Variants in CREBL2 observed in about 807,000 individuals in gnomAD.
CREBL2 encodes cAMP-responsive element-binding protein-like 2.
Under a neutral mutation model 19.5 loss-of-function variants are expected in CREBL2, and 4 were observed. That is an observed-to-expected ratio of 0.20 (90% CI 0.10 to 0.47). The LOEUF is 0.47. CREBL2 is among the 20% of genes least tolerant of loss of function. The probability of loss-of-function intolerance (pLI) is 0.98; values close to 1 mark genes in which losing one functional copy is unlikely to be tolerated. For synonymous variants in CREBL2, 42 were observed against 46.6 expected (o/e 0.90, Z 0.40); for missense variants, 85 against 145.1 (o/e 0.59, Z 2.13).
At position 12,641,250 on chromosome 12, in the gene CREBL2, ATTATTTTTTT is replaced by A. The variant is rs774983001; in HGVS notation, c.359-731_359-722del. ...CTTTATTATTATTATTATTATTATTATTATTTTTTTTTATTTTTTTTTTTTTTAGGTCAAC... is the reference window on the plus strand; with the variant it reads ...CTTTATTATTATTATTATTATTATTATTATTTTTTTTTTTTTTAGGTCAAC... On this transcript the variant is annotated intron_variant, in intron 3 of 3. Transcript: ENST00000228865. 2.4e-4 allele frequency among the ~76,000 whole-genome samples: 14 copies of A among 57,996 alleles called. 1 individual carries two copies. Among genetic ancestry groups the A allele is most frequent in the South Asian group, 1.2e-3 (2 of 1,708 alleles). 38.0% of individuals were successfully genotyped at this position (57,996 alleles called of 152,430 possible). A position where few individuals can be genotyped will look rare whatever the true frequency, so the allele number is the denominator to read the frequency against.
At chr12:12,623,548 A>G (rs1945377809) in intron 1 of CREBL2, among the ~76,000 whole-genome samples, 4 of 152,252 alleles carry the variant, frequency 2.6e-5, no homozygotes, top group Admixed American at 2.6e-4. Flanking sequence ...ATGTAGGTAT[A>G]GTTAGAAATG....
In CREBL2 at chr12:12,612,144, T is replaced by G. The variant is rs985273219; in HGVS notation, c.-29T>G. The G allele has an allele frequency of 2.5e-6, 4 of 1,610,160 alleles. No individual in the cohort carries two copies. The highest frequency in any genetic ancestry group is 3.4e-6 in the Non-Finnish European group (4 of 1,179,816). On this transcript the variant is annotated 5_prime_UTR_variant, in exon 1 of 4. Transcript: ENST00000228865. ...GCCGGGGGAGGGCTCCGGGAGGGAG[T>G]GCCTGGCCAGGCCGGCCTGTCTGCC...
intron 1 of CREBL2, among the ~76,000 whole-genome samples, chr12:12,627,199 TGTTA>T (rs984340952): frequency 6.6e-6 from 1 of 152,162 alleles, no homozygotes; most frequent in Non-Finnish European, 1.5e-5. Flanking sequence ...AATAAATCAA[TGTTA>T]GTTCATCAAT....
chr12:12,616,184 T>C (rs1301848316), intron 1 of CREBL2, among the ~76,000 whole-genome samples: 3 of 152,214 alleles, frequency 2.0e-5, no homozygotes, highest in Non-Finnish European at 4.4e-5. Context: ...TTAACAACTT[T>C]CTGAAAGTCT....
chr12:12,626,948 C>T (rs1159677620), intron 1 of CREBL2, among the ~76,000 whole-genome samples: 2 of 150,644 alleles, frequency 1.3e-5, no homozygotes, highest in African/African-American at 2.4e-5. Context: ...CATGGAGGAG[C>T]CTTAAATGCA....
intron 1 of CREBL2, among the ~76,000 whole-genome samples, chr12:12,621,837 T>C (rs914785981): frequency 6.6e-5 from 10 of 152,142 alleles, no homozygotes; most frequent in African/African-American, 2.4e-4. Flanking sequence ...AGGCCATAAA[T>C]GTTGGGGAGC....
At chr12:12,635,698 C>G in intron 1 of CREBL2, 79 bp from the exon 2 acceptor site, 9 of 1,482,102 alleles carry the variant, frequency 6.1e-6, no homozygotes, top group Non-Finnish European at 7.2e-6. Flanking sequence ...TAAATGTTCT[C>G]TTTGCTAATA....
At position 12,644,594 on chromosome 12, in the gene CREBL2, T is replaced by C. The variant is rs1249669009; in HGVS notation, c.*2596T>C. The C allele has an allele frequency of 6.5e-6, 1 of 152,686 alleles. No individual in the cohort carries two copies. Among genetic ancestry groups the C allele is most frequent in the African/African-American group, 2.4e-5 (1 of 41,468 alleles). 9.5% of individuals were successfully genotyped at this position (152,686 alleles called of 1,614,324 possible). A position where few individuals can be genotyped will look rare whatever the true frequency, so the allele number is the denominator to read the frequency against. ...TAGAGCAACTGAATATAATATGGAA[T>C]AAGTTTGACCAGGTCAAGTTTTAGG... is the stretch of plus-strand genomic sequence containing the variant. On this transcript the variant is annotated 3_prime_UTR_variant, in exon 4 of 4. Transcript: ENST00000228865.
chr12:12,624,701 A>G (rs1325481743), intron 1 of CREBL2, among the ~76,000 whole-genome samples: 1 of 152,210 alleles, frequency 6.6e-6, no homozygotes, highest in Non-Finnish European at 1.5e-5. Flanking sequence ...CCATCCGTGG[A>G]TAGCTCAACT....
At chr12:12,621,523 CAAA>C (rs61201510) in intron 1 of CREBL2, among the ~76,000 whole-genome samples, 3 of 64,864 alleles carry the variant, frequency 4.6e-5, no homozygotes, top group African/African-American at 5.8e-5. Context: ...CGTCTCAAAC[CAAA>C]AAAAAAAAAA....
intron 1 of CREBL2, among the ~76,000 whole-genome samples, chr12:12,628,969 A>G (rs917488645): frequency 9.2e-5 from 14 of 152,184 alleles, no homozygotes; most frequent in Non-Finnish European, 1.6e-4. Flanking sequence ...ATGCTTTTCC[A>G]TTGGTCTGTA....
chr12:12,641,253 A>T (rs12230002), intron 3 of CREBL2, among the ~76,000 whole-genome samples: 25,366 of 77,244 alleles, frequency 0.33, 6,376 homozygotes, highest in Non-Finnish European at 0.38. Flanking sequence ...TATTATTATT[A>T]TTTTTTTTTA....
chr12:12,611,959 G>C lies in CREBL2; in HGVS notation c.-214G>C. 6.8e-6 allele frequency: 4 copies of C among 590,884 alleles called. No individual in the cohort carries two copies. The highest frequency in any genetic ancestry group is 1.2e-5 in the Non-Finnish European group (4 of 337,774). 36.6% of individuals were successfully genotyped at this position (590,884 alleles called of 1,614,324 possible). A position where few individuals can be genotyped will look rare whatever the true frequency, so the allele number is the denominator to read the frequency against. ...GAGGAGGCGGCGGCGGCGAAGGGAG[G>C]CGTTTGGGGCCGCCTCCAGGGTCCG... On this transcript the variant is annotated 5_prime_UTR_variant, in exon 1 of 4. Transcript: ENST00000228865.
chr12:12,617,777 A>G (rs549880528), intron 1 of CREBL2, among the ~76,000 whole-genome samples: 145 of 148,762 alleles, frequency 9.7e-4, no homozygotes, highest in African/African-American at 3.3e-3. Context: ...TAAACATGTG[A>G]ACAAGGGTCT....
chr12:12,614,467 CTTTT>C (rs34307341), intron 1 of CREBL2: 7 of 128,500 alleles, frequency 5.4e-5, no homozygotes, highest in South Asian at 2.5e-4. Context: ...ATTTAGTTTC[CTTTT>C]TTTTTTTTTT....
chr12:12,641,326 GAGA>G (rs1409415543), intron 3 of CREBL2, among the ~76,000 whole-genome samples: 14 of 94,656 alleles, frequency 1.5e-4, no homozygotes, highest in African/African-American at 5.5e-4. Flanking sequence ...TTTTTTTTTT[GAGA>G]AGAAGTCTCG....
At chr12:12,613,457 C>T (rs1262649605) in intron 1 of CREBL2, among the ~76,000 whole-genome samples, 1 of 152,094 alleles carries the variant, frequency 6.6e-6, no homozygotes, top group African/African-American at 2.4e-5. Flanking sequence ...TTTCACATAT[C>T]CTCAGAGAGA....
At chr12:12,625,026 G>A (rs187191469) in intron 1 of CREBL2, among the ~76,000 whole-genome samples, 20 of 152,236 alleles carry the variant, frequency 1.3e-4, no homozygotes, top group Admixed American at 1.3e-3. Context: ...CCATTCCTCT[G>A]AAGTCAAGCC....
Position 12,636,090 on chromosome 12 carries a change from A to G in CREBL2, c.213+116A>G, listed in dbSNP as rs181897345. 418 of 1,000,792 alleles carry G rather than the reference A, an allele frequency of 4.2e-4. 2 individuals are homozygous for G. In the African/African-American group the frequency reaches 6.3e-3, roughly 15 times the overall value. 62.0% of individuals were successfully genotyped at this position (1,000,792 alleles called of 1,614,324 possible). A position where few individuals can be genotyped will look rare whatever the true frequency, so the allele number is the denominator to read the frequency against. On this transcript the variant is annotated intron_variant, in intron 2 of 3. Transcript: ENST00000228865. Reference sequence around the variant, plus strand: ...CCAGTTGGCAAACATTGGAGAGAATATTAATCTGTTAGCCAGGATGGGGGC... The same window carrying G: ...CCAGTTGGCAAACATTGGAGAGAATGTTAATCTGTTAGCCAGGATGGGGGC...
Sources: gnomAD v4.1 joint callset for allele counts (sites outside exome capture counted in the v4.1 genomes callset) on GRCh38, gnomAD v4.1.1 for gene constraint, MANE v1.5 for transcripts, NCBI Gene and HGNC (gene_info 2026-07-23, HGNC 2026-07-21) for gene names.